Variants in MYO16 observed in about 807,000 individuals in gnomAD.
MYO16 encodes the protein myosin XVI.
Under a neutral mutation model 205.3 loss-of-function variants are expected in MYO16, and 94 were observed. The ratio of observed to expected loss-of-function variants is 0.46; its 90% confidence interval spans 0.39 to 0.54. MYO16 has a LOEUF of 0.54. MYO16 is among the 20% of genes least tolerant of loss of function. The pLI is 0.00. For synonymous variants in MYO16, 988 were observed against 954.0 expected (o/e 1.04, Z -0.66); for missense variants, 2,315 against 2,387.5 (o/e 0.97, Z 0.63).
intron 16 of MYO16, among the ~76,000 whole-genome samples, chr13:108,929,727 C>T (rs1022286062): frequency 3.9e-5 from 6 of 152,048 alleles, no homozygotes; most frequent in African/African-American, 1.5e-4. Flanking sequence ...CTGCAAAGAG[C>T]TATCCGACCT....
chr13:109,167,719 C>T (rs1389846225), intron 33 of MYO16, among the ~76,000 whole-genome samples: 5 of 151,804 alleles, frequency 3.3e-5, no homozygotes, highest in Non-Finnish European at 7.4e-5. Flanking sequence ...AAATAAAGAC[C>T]GAGAATTAAT....
At chr13:108,609,012 G>A (rs992170866) in intron 1 of MYO16, among the ~76,000 whole-genome samples, 12 of 152,128 alleles carry the variant, frequency 7.9e-5, no homozygotes, top group Non-Finnish European at 1.3e-4. Context: ...TTTTTTGAAG[G>A]ACATTGAAAG....
chr13:108,778,776 A>G (rs4772998), intron 4 of MYO16, among the ~76,000 whole-genome samples: 51,623 of 152,056 alleles, frequency 0.34, 9,974 homozygotes, highest in East Asian at 0.63. Flanking sequence ...AACCTACACA[A>G]TTACATTAAA....
chr13:108,777,769 C>G (rs1566322057), intron 4 of MYO16, among the ~76,000 whole-genome samples: 1 of 152,128 alleles, frequency 6.6e-6, no homozygotes, highest in East Asian at 1.9e-4. Flanking sequence ...CCTTGTTTGT[C>G]TAATGTTGTA....
intron 4 of MYO16, among the ~76,000 whole-genome samples, chr13:108,735,140 T>A (rs1333679541): frequency 6.6e-6 from 1 of 152,128 alleles, no homozygotes; most frequent in African/African-American, 2.4e-5. Flanking sequence ...TACTTTAAGT[T>A]CTAGGGTACA....
intron 1 of MYO16, among the ~76,000 whole-genome samples, chr13:108,660,060 C>T (rs1881434808): frequency 6.6e-6 from 1 of 152,032 alleles, no homozygotes. Context: ...TATGATTATG[C>T]CACTGCACTC....
In MYO16 at chr13:108,804,293, G is replaced by A. The variant is rs79598900; in HGVS notation, c.742-2386G>A. Among the ~76,000 whole-genome samples, 750 of 152,198 alleles carry A rather than the reference G, an allele frequency of 4.9e-3. 2 individuals carry two copies. The highest frequency in any genetic ancestry group is 0.017 in the African/African-American group (702 of 41,514). ...GGTGATTTCCAAATTGTAATTTTTC[G>A]TGGGAACTGTGTTTGCTAATATGCT... On this transcript the variant is annotated intron_variant, in intron 6 of 34. Transcript: ENST00000457511.
intron 34 of MYO16, among the ~76,000 whole-genome samples, chr13:109,194,019 A>G (rs1294545376): frequency 6.6e-6 from 1 of 152,208 alleles, no homozygotes; most frequent in Admixed American, 6.5e-5. Flanking sequence ...TCTCTTCTGT[A>G]TTCCAACAGC....
intron 6 of MYO16, among the ~76,000 whole-genome samples, chr13:108,802,489 T>C (rs1886996486): frequency 6.6e-6 from 1 of 152,224 alleles, no homozygotes; most frequent in Non-Finnish European, 1.5e-5. Flanking sequence ...CGTATTTTCC[T>C]GTTGATGAAC....
chr13:109,056,933 A>G (rs922873897), intron 27 of MYO16, among the ~76,000 whole-genome samples: 2 of 152,122 alleles, frequency 1.3e-5, no homozygotes, highest in African/African-American at 4.8e-5. Flanking sequence ...TAACTATACA[A>G]CTACAGTATG....
chr13:108,709,197 T>C (rs1046443674), intron 2 of MYO16, among the ~76,000 whole-genome samples: 1 of 152,192 alleles, frequency 6.6e-6, no homozygotes, highest in African/African-American at 2.4e-5. Flanking sequence ...AGATTCAGAG[T>C]GGTGCTGCCG....
chr13:108,617,348 CTCTT>C, intron 1 of MYO16, among the ~76,000 whole-genome samples: 1 of 152,164 alleles, frequency 6.6e-6, no homozygotes, highest in East Asian at 1.9e-4. Flanking sequence ...GACTGCATCA[CTCTT>C]TCATACGCCC....
intron 28 of MYO16, among the ~76,000 whole-genome samples, chr13:109,108,383 T>A (rs201967753): frequency 6.6e-6 from 1 of 152,240 alleles, no homozygotes; most frequent in African/African-American, 2.4e-5. Flanking sequence ...TAATTTTACA[T>A]TTTTTCACTC....
intron 25 of MYO16, among the ~76,000 whole-genome samples, chr13:109,054,129 A>T (rs2139609221): frequency 6.6e-6 from 1 of 152,156 alleles, no homozygotes; most frequent in South Asian, 2.1e-4. Context: ...CCTGGGTGGA[A>T]TTTAATTAAT....
chr13:109,020,424 C>A (rs1303257639), intron 23 of MYO16, among the ~76,000 whole-genome samples: 4 of 152,132 alleles, frequency 2.6e-5, no homozygotes, highest in Non-Finnish European at 5.9e-5. Context: ...AATGATCATT[C>A]TCCTTAGTCC....
chr13:109,049,831 C>A (rs1465932097), intron 24 of MYO16, among the ~76,000 whole-genome samples: 3 of 151,546 alleles, frequency 2.0e-5, no homozygotes, highest in African/African-American at 7.3e-5. Context: ...TATCCTCTTC[C>A]CAGATTCATT....
Position 108,629,643 on chromosome 13 carries a change from G to A in MYO16, c.-202G>A. The stretch of plus-strand genomic sequence containing the variant: ...GTGCCTCAAGACCCACCGGGGAGAG[G>A]CTTATCTTAACTCCAGCTGCCGAAT... On this transcript the variant is annotated 5_prime_UTR_variant, in exon 1 of 35. Coordinates refer to ENST00000457511, the MANE Select transcript of MYO16 (RefSeq NM_001198950.3). The A allele has an allele frequency of 1.9e-6, 1 of 527,378 alleles. No homozygotes were observed. Among genetic ancestry groups the A allele is most frequent in the Non-Finnish European group, 3.4e-6 (1 of 292,982 alleles). The allele number at this position is 527,378 out of a possible 1,614,324, so 32.7% of individuals were successfully genotyped here.
In MYO16 at chr13:108,876,110, A is replaced by AT. The variant is rs3042036; in HGVS notation, c.1426-6949_1426-6948insT. 1.3e-3 allele frequency among the ~76,000 whole-genome samples: 194 copies of AT among 152,160 alleles called. 3 individuals carry two copies. The highest frequency in any genetic ancestry group is 4.2e-3 in the African/African-American group (176 of 41,510). Reference sequence around the variant, plus strand: ...GAACAGAAATTAGATCTGCTGGACAAGCTGGACTAAAACTCCTCAGTTTTA... The same window carrying AT: ...GAACAGAAATTAGATCTGCTGGACAATGCTGGACTAAAACTCCTCAGTTTTA... On this transcript the variant is annotated intron_variant, in intron 12 of 34. Coordinates refer to ENST00000457511, the MANE Select transcript of MYO16 (RefSeq NM_001198950.3).
Position 108,668,447 on chromosome 13 carries a change from G to A in MYO16, c.292+2298G>A, listed in dbSNP as rs573277218. On this transcript the variant is annotated intron_variant, in intron 2 of 34. Transcript: ENST00000457511. ...TATTGCTACCAAAACAAATTATCACGAATTTAATAGTGACAAACAGCGTAA... is the reference window on the plus strand; with the variant it reads ...TATTGCTACCAAAACAAATTATCACAAATTTAATAGTGACAAACAGCGTAA... 2.0e-5 allele frequency among the ~76,000 whole-genome samples: 3 copies of A among 152,274 alleles called. No individual in the cohort carries two copies. In the East Asian group the frequency reaches 5.8e-4, roughly 29 times the overall value.
Sources: allele counts gnomAD v4.1 joint callset (sites outside exome capture counted in the v4.1 genomes callset), GRCh38; gene constraint gnomAD v4.1.1; transcripts MANE v1.5; gene names NCBI Gene and HGNC (gene_info 2026-07-23, HGNC 2026-07-21).